Variants in FBXL13 observed in about 807,000 individuals in gnomAD.
The protein encoded by FBXL13 is F-box and leucine rich repeat protein 13.
FBXL13 carries 67 observed loss-of-function variants against 83.6 expected under a neutral mutation model. The observed-to-expected ratio is 0.80, with a 90% CI of 0.66 to 0.98. FBXL13 has a LOEUF of 0.98. Among genes scored for constraint, FBXL13 ranks in the 50% least tolerant of loss-of-function variants. FBXL13 has a pLI of 0.00. For missense variants in FBXL13, 822 were observed against 866.5 expected, an observed-to-expected ratio of 0.95 and a Z score of 0.64; for synonymous variants, 272 against 299.5, an observed-to-expected ratio of 0.91 and a Z score of 0.95.
At chr7:102,875,464 A>G (rs931979953) in intron 16 of FBXL13, among the ~76,000 whole-genome samples, 1 of 151,838 alleles carries the variant, frequency 6.6e-6, no homozygotes, top group Non-Finnish European at 1.5e-5. Flanking sequence ...TCTGTTCTAG[A>G]CCTTCTCACT....
intron 17 of FBXL13, among the ~76,000 whole-genome samples, chr7:102,842,294 A>G (rs569744454): frequency 6.6e-6 from 1 of 152,222 alleles, no homozygotes; most frequent in South Asian, 2.1e-4. Context: ...AGTTACTGAA[A>G]TCTCATGCTT....
At chr7:102,994,815 C>T (rs1829928510) in intron 6 of FBXL13, among the ~76,000 whole-genome samples, 1 of 152,082 alleles carries the variant, frequency 6.6e-6, no homozygotes, top group African/African-American at 2.4e-5. Flanking sequence ...TTGGTTCAGG[C>T]CACGTGGACA....
At chr7:103,018,266 G>A (rs1487194117) in intron 6 of FBXL13, among the ~76,000 whole-genome samples, 2 of 152,198 alleles carry the variant, frequency 1.3e-5, no homozygotes, top group Non-Finnish European at 2.9e-5. Flanking sequence ...TTACAGACAA[G>A]CAAATACTGA....
At chr7:103,050,474 G>A (rs779271037) in intron 2 of FBXL13, among the ~76,000 whole-genome samples, 6 of 152,184 alleles carry the variant, frequency 3.9e-5, no homozygotes, top group Non-Finnish European at 8.8e-5. Context: ...ACTCTGCTTA[G>A]CACCCAATAT....
chr7:102,840,384 CA>C (rs370229663), intron 17 of FBXL13, among the ~76,000 whole-genome samples: 58 of 152,272 alleles, frequency 3.8e-4, no homozygotes, highest in African/African-American at 1.4e-3. Flanking sequence ...AAGTTTATTT[CA>C]AAAAGTGGTG....
intron 2 of FBXL13, among the ~76,000 whole-genome samples, chr7:103,040,468 A>C (rs1795549477): frequency 6.6e-6 from 1 of 152,210 alleles, no homozygotes; most frequent in Admixed American, 6.5e-5. Flanking sequence ...CTCTGGACCA[A>C]GGAGACCTAA....
chr7:102,875,245 C>A (rs1292433810), intron 16 of FBXL13, among the ~76,000 whole-genome samples: 1 of 152,068 alleles, frequency 6.6e-6, no homozygotes, highest in Non-Finnish European at 1.5e-5. Context: ...TTTTCAAAAC[C>A]ATGTAATCAG....
chr7:102,907,544 C>T (rs1813954789), intron 11 of FBXL13, among the ~76,000 whole-genome samples: 1 of 149,584 alleles, frequency 6.7e-6, no homozygotes, highest in South Asian at 2.2e-4. Flanking sequence ...CTGTTCAACT[C>T]CCACCTATGA....
chr7:103,048,446 T>C (rs1796496668), intron 2 of FBXL13, among the ~76,000 whole-genome samples: 1 of 151,350 alleles, frequency 6.6e-6, no homozygotes, highest in Non-Finnish European at 1.5e-5. Context: ...AAAACAAAAA[T>C]CTTTCATTAC....
chr7:102,965,114 C>T (rs1428578458), intron 7 of FBXL13, among the ~76,000 whole-genome samples: 1 of 152,144 alleles, frequency 6.6e-6, no homozygotes, highest in East Asian at 1.9e-4. Context: ...AGTTGGGACT[C>T]AGGGCTCAAA....
At chr7:102,977,469 C>T (rs1247576913) in intron 6 of FBXL13, among the ~76,000 whole-genome samples, 1 of 152,116 alleles carries the variant, frequency 6.6e-6, no homozygotes, top group East Asian at 1.9e-4. Context: ...AGCCCATGTA[C>T]CAGTCCAAAC....
chr7:103,012,250 T>C (rs148279204), intron 6 of FBXL13, among the ~76,000 whole-genome samples: 1,676 of 151,864 alleles, frequency 0.011, 35 homozygotes, highest in African/African-American at 0.039. Context: ...TGGCACATGC[T>C]TGTAATCCCA....
In FBXL13 at chr7:103,029,431, A is replaced by C. The variant is rs548622264; in HGVS notation, c.1-13T>G. On this transcript the variant is annotated splice_polypyrimidine_tract_variant and intron_variant, in intron 2 of 19. Transcript: ENST00000313221. ...ATTCCGGAGTCATCTAAAGTAAATA[A>C]ATAATTGAAATAACAAATATTAGAA... The C allele has an allele frequency of 4.3e-5, 58 of 1,364,530 alleles. No homozygotes were observed. The highest frequency in any genetic ancestry group is 5.7e-5 in the Non-Finnish European group (57 of 1,003,360). 84.5% of individuals were successfully genotyped at this position (1,364,530 alleles called of 1,614,324 possible).
chr7:102,904,334 G>A (rs1195949513), intron 11 of FBXL13, among the ~76,000 whole-genome samples: 1 of 151,844 alleles, frequency 6.6e-6, no homozygotes, highest in Non-Finnish European at 1.5e-5. Context: ...AGTAACAGTT[G>A]TAATGTCTCA....
intron 18 of FBXL13, among the ~76,000 whole-genome samples, chr7:102,825,912 T>G (rs570301012): frequency 6.6e-6 from 1 of 152,298 alleles, no homozygotes; most frequent in Admixed American, 6.5e-5. Flanking sequence ...GTTTCCCCAT[T>G]TGTAGAATGG....
intron 2 of FBXL13, among the ~76,000 whole-genome samples, chr7:103,051,289 G>A (rs566077706): frequency 6.6e-6 from 1 of 152,272 alleles, no homozygotes; most frequent in South Asian, 2.1e-4. Flanking sequence ...GTTCCTTTCT[G>A]AACCAGTCAG....
chr7:103,069,233 C>T (rs538144726), intron 1 of FBXL13, among the ~76,000 whole-genome samples: 2 of 152,090 alleles, frequency 1.3e-5, no homozygotes, highest in East Asian at 1.9e-4. Flanking sequence ...TCTGCCCAGC[C>T]GCTGCACCTT....
At chr7:102,844,251 G>A (rs1430331445) in intron 17 of FBXL13, among the ~76,000 whole-genome samples, 1 of 152,118 alleles carries the variant, frequency 6.6e-6, no homozygotes, top group Non-Finnish European at 1.5e-5. Context: ...AAAATAAGAG[G>A]GAGCTATGTT....
intron 17 of FBXL13, among the ~76,000 whole-genome samples, chr7:102,850,805 A>G (rs1805088606): frequency 6.6e-6 from 1 of 152,204 alleles, no homozygotes. Context: ...ACTACCAGGC[A>G]GATTTCTTAG....
Sources: gnomAD v4.1 joint callset for allele counts (sites outside exome capture counted in the v4.1 genomes callset) on GRCh38, gnomAD v4.1.1 for gene constraint, MANE v1.5 for transcripts, NCBI Gene and HGNC (gene_info 2026-07-23, HGNC 2026-07-21) for gene names.